Variants in SETBP1 observed in about 807,000 individuals in gnomAD.
SETBP1 encodes the protein SET-binding protein.
In SETBP1, 9 loss-of-function variants were observed where a neutral mutation model predicts 101.0. The observed-to-expected ratio is 0.09, with a 90% CI of 0.05 to 0.16. The LOEUF (loss-of-function observed/expected upper bound fraction) is 0.16, where lower values mean the gene tolerates loss of function less well. Among genes scored for constraint, SETBP1 ranks in the 10% least tolerant of loss-of-function variants. The probability of loss-of-function intolerance (pLI) is 1.00; values close to 1 mark genes in which losing one functional copy is unlikely to be tolerated. For missense variants in SETBP1, 1,858 were observed against 2,033.8 expected (o/e 0.91, Z 1.66); for synonymous variants, 818 against 788.5 (o/e 1.04, Z -0.63).
chr18:44,869,794 G>A (rs537396607), intron 3 of SETBP1: 7 of 211,520 alleles, frequency 3.3e-5, no homozygotes, highest in Non-Finnish European at 6.8e-5. Flanking sequence ...GGCCAGAGTG[G>A]TGTTTGGAGG....
intron 3 of SETBP1, among the ~76,000 whole-genome samples, chr18:44,926,588 A>T (rs988960624): frequency 6.6e-6 from 1 of 152,104 alleles, no homozygotes; most frequent in African/African-American, 2.4e-5. Context: ...ATCCCAAAAC[A>T]TGGTTAAGCT....
At chr18:44,955,629 G>T (rs1169265591) in intron 4 of SETBP1, among the ~76,000 whole-genome samples, 1 of 152,156 alleles carries the variant, frequency 6.6e-6, no homozygotes, top group African/African-American at 2.4e-5. Context: ...GAGATCAAGA[G>T]AACTGTCCAG....
At chr18:44,894,831 T>C (rs939142410) in intron 3 of SETBP1, among the ~76,000 whole-genome samples, 8 of 151,608 alleles carry the variant, frequency 5.3e-5, no homozygotes, top group Non-Finnish European at 1.0e-4. Flanking sequence ...TCCAATTCAC[T>C]GTTGAAAACT....
At chr18:45,038,809 T>C (rs113017120) in intron 5 of SETBP1, among the ~76,000 whole-genome samples, 154 bp downstream of exon 5, 2,281 of 152,238 alleles carry the variant, frequency 0.015, 22 homozygotes, top group Non-Finnish European at 0.021. Context: ...ACTGGCTCTT[T>C]GAAGTGGGAG....
At chr18:44,910,700 G>A (rs1355233372) in intron 3 of SETBP1, among the ~76,000 whole-genome samples, 1 of 152,130 alleles carries the variant, frequency 6.6e-6, no homozygotes, top group African/African-American at 2.4e-5. Context: ...AACCTAGAGG[G>A]GGTTTTATCT....
intron 3 of SETBP1, among the ~76,000 whole-genome samples, chr18:44,906,294 G>A (rs1011623081): frequency 1.3e-5 from 2 of 152,104 alleles, no homozygotes; most frequent in Non-Finnish European, 2.9e-5. Context: ...AGAAACTAGG[G>A]GCTATCCTTT....
At chr18:44,911,192 C>T (rs2070300613) in intron 3 of SETBP1, among the ~76,000 whole-genome samples, 2 of 152,090 alleles carry the variant, frequency 1.3e-5, no homozygotes, top group African/African-American at 4.8e-5. Context: ...TATGATTACC[C>T]TCATTTTCTA....
At chr18:44,842,131 T>C (rs2072630246) in intron 2 of SETBP1, among the ~76,000 whole-genome samples, 1 of 152,060 alleles carries the variant, frequency 6.6e-6, no homozygotes, top group African/African-American at 2.4e-5. Context: ...AAGTAGGAAA[T>C]GGGAAGAGAG....
intron 4 of SETBP1, among the ~76,000 whole-genome samples, chr18:45,019,931 C>G (rs886330121): frequency 2.0e-5 from 3 of 152,044 alleles, no homozygotes; most frequent in Non-Finnish European, 4.4e-5. Flanking sequence ...AGAAAAAGCA[C>G]CTACCATAGA....
chr18:44,747,806 T>C (rs1260869274), intron 2 of SETBP1, among the ~76,000 whole-genome samples: 1 of 152,258 alleles, frequency 6.6e-6, no homozygotes, highest in African/African-American at 2.4e-5. Context: ...GCCTTTAATG[T>C]TAATAAGCAT....
chr18:44,949,480 T>G (rs1451020191), intron 3 of SETBP1, among the ~76,000 whole-genome samples: 1 of 152,236 alleles, frequency 6.6e-6, no homozygotes, highest in African/African-American at 2.4e-5. Context: ...TTGCCATCTT[T>G]GGCAGGACTC....
At chr18:44,968,560 G>A (rs2071772580) in intron 4 of SETBP1, among the ~76,000 whole-genome samples, 1 of 152,200 alleles carries the variant, frequency 6.6e-6, no homozygotes, top group Non-Finnish European at 1.5e-5. Context: ...CTGCCAGCAA[G>A]AGGAGACCAC....
intron 4 of SETBP1, among the ~76,000 whole-genome samples, chr18:45,006,272 G>C (rs181149363): frequency 1.3e-5 from 2 of 152,046 alleles, no homozygotes; most frequent in African/African-American, 2.4e-5. Context: ...CTCAACCAGC[G>C]TATTTCCCCC....
At chr18:44,685,325 TG>T (rs980293727) in intron 1 of SETBP1, among the ~76,000 whole-genome samples, 1 of 152,276 alleles carries the variant, frequency 6.6e-6, no homozygotes, top group African/African-American at 2.4e-5. Flanking sequence ...CATGGCATTT[TG>T]TTCTTTTCAA....
intron 5 of SETBP1, among the ~76,000 whole-genome samples, chr18:45,057,598 G>A (rs531202294): frequency 3.3e-4 from 50 of 152,176 alleles, no homozygotes; most frequent in African/African-American, 1.1e-3. Context: ...GCAACTCTCC[G>A]CCTTGATTGA....
At chr18:45,027,709 G>C (rs1432345927) in intron 4 of SETBP1, among the ~76,000 whole-genome samples, 1 of 152,198 alleles carries the variant, frequency 6.6e-6, no homozygotes, top group African/African-American at 2.4e-5. Flanking sequence ...ACCAAAGGAA[G>C]TGTTCTTACA....
intron 4 of SETBP1, among the ~76,000 whole-genome samples, chr18:44,957,920 C>G (rs2071526228): frequency 6.6e-6 from 1 of 152,170 alleles, no homozygotes; most frequent in African/African-American, 2.4e-5. Context: ...TAACCTTATT[C>G]CAAGTCCAAT....
intron 2 of SETBP1, among the ~76,000 whole-genome samples, chr18:44,747,045 C>A (rs1177522799): frequency 6.6e-6 from 1 of 152,202 alleles, no homozygotes; most frequent in Non-Finnish European, 1.5e-5. Context: ...CATGCCAGCC[C>A]CAGCCTTGGC....
chr18:44,996,753 C>A lies in SETBP1; in HGVS notation c.4001-41732C>A, dbSNP rs563144666. Among the ~76,000 whole-genome samples the A allele has an allele frequency of 5.9e-5, 9 of 152,276 alleles. No homozygotes were observed. The South Asian group carries it at 1.9e-3, about 32-fold the overall frequency. ...ATGAGTCTTGTAACATCAAGTCAGG[C>A]AGATCTTTGGGCTGCTACTCCTATA... On this transcript the variant is annotated intron_variant, in intron 4 of 5. Coordinates refer to ENST00000649279, the MANE Select transcript of SETBP1 (RefSeq NM_015559.3).
Sources: gnomAD v4.1 joint callset for allele counts (sites outside exome capture counted in the v4.1 genomes callset) on GRCh38, gnomAD v4.1.1 for gene constraint, MANE v1.5 for transcripts, NCBI Gene and HGNC (gene_info 2026-07-23, HGNC 2026-07-21) for gene names.